The following OXCT1 variants were observed in gnomAD, a reference collection of about 807,000 sequenced individuals.
OXCT1 encodes the protein 3-oxoacid CoA-transferase 1, also known as succinyl-CoA:3-ketoacid coenzyme A transferase 1, mitochondrial.
OXCT1 carries 27 observed loss-of-function variants against 69.6 expected under a neutral mutation model. That is an observed-to-expected ratio of 0.39 (90% CI 0.29 to 0.54). OXCT1 has a LOEUF of 0.54. Ranked by LOEUF, OXCT1 falls within the 20% of genes least tolerant of loss-of-function variation. OXCT1 has a pLI of 0.72. For missense variants in OXCT1, 437 were observed against 650.2 expected (o/e 0.67, Z 3.57); for synonymous variants, 202 against 217.8 (o/e 0.93, Z 0.64).
chr5:41,852,915 G>T (rs1483156332), intron 4 of OXCT1, among the ~76,000 whole-genome samples: 1 of 152,002 alleles, frequency 6.6e-6, no homozygotes, highest in African/African-American at 2.4e-5. Context: ...GAAAACAAAA[G>T]TAGCTGGGCG....
chr5:41,848,443 C>T (rs1016877663), intron 5 of OXCT1, among the ~76,000 whole-genome samples: 2 of 147,882 alleles, frequency 1.4e-5, no homozygotes, highest in African/African-American at 5.0e-5. Context: ...CTTTAAAGTT[C>T]ATATGGAACC....
intron 3 of OXCT1, among the ~76,000 whole-genome samples, chr5:41,859,590 T>C (rs2112465897): frequency 6.6e-6 from 1 of 152,212 alleles, no homozygotes; most frequent in African/African-American, 2.4e-5. Flanking sequence ...TTTCATGAGC[T>C]GAGCACAGAA....
At chr5:41,815,495 T>G (rs78332432) in intron 7 of OXCT1, among the ~76,000 whole-genome samples, 1 of 152,262 alleles carries the variant, frequency 6.6e-6, no homozygotes, top group East Asian at 1.9e-4. Flanking sequence ...ATTTTTTGTT[T>G]GCCCAGAAAT....
chr5:41,803,990 G>A (rs1442556713), intron 9 of OXCT1, among the ~76,000 whole-genome samples: 1 of 152,000 alleles, frequency 6.6e-6, no homozygotes, highest in African/African-American at 2.4e-5. Flanking sequence ...CTAGTACAAA[G>A]AATGATGGCA....
chr5:41,753,270 T>C (rs938843178), intron 14 of OXCT1, among the ~76,000 whole-genome samples: 1 of 148,680 alleles, frequency 6.7e-6, no homozygotes, highest in African/African-American at 2.5e-5. Flanking sequence ...GTGGCTGCAA[T>C]ACACACACAC....
chr5:41,788,267 C>A (rs1449060167), intron 13 of OXCT1, among the ~76,000 whole-genome samples: 1 of 151,698 alleles, frequency 6.6e-6, no homozygotes, highest in African/African-American at 2.4e-5. Context: ...ATAAAATACT[C>A]AAAAAATACG....
At chr5:41,745,920 C>T (rs975963329) in intron 15 of OXCT1, among the ~76,000 whole-genome samples, 1 of 152,026 alleles carries the variant, frequency 6.6e-6, no homozygotes, top group Non-Finnish European at 1.5e-5. Context: ...GGCTTACCAA[C>T]CAAAAAACGT....
At chr5:41,856,714 A>G (rs1749445281) in intron 3 of OXCT1, among the ~76,000 whole-genome samples, 1 of 152,232 alleles carries the variant, frequency 6.6e-6, no homozygotes, top group South Asian at 2.1e-4. Context: ...TAGAAAAGAA[A>G]TAGCTGCATG....
intron 16 of OXCT1, among the ~76,000 whole-genome samples, chr5:41,736,232 G>GT (rs1213718910): frequency 1.3e-5 from 2 of 152,114 alleles, no homozygotes; most frequent in African/African-American, 4.8e-5. Context: ...CTTATTTTGG[G>GT]TGTGTGAACC....
intron 14 of OXCT1, among the ~76,000 whole-genome samples, chr5:41,750,987 C>T (rs1743752535): frequency 1.3e-5 from 2 of 152,194 alleles, no homozygotes; most frequent in South Asian, 4.1e-4. Flanking sequence ...TGACATAACA[C>T]CTTTTAAAAC....
intron 5 of OXCT1, chr5:41,843,652 A>C (rs1748754287): frequency 4.4e-6 from 2 of 453,994 alleles, no homozygotes; most frequent in South Asian, 3.1e-5. Flanking sequence ...ATCACTGCAC[A>C]AAATGGAGCC....
intron 16 of OXCT1, among the ~76,000 whole-genome samples, chr5:41,734,600 G>A (rs551328817): frequency 3.9e-5 from 6 of 152,078 alleles, no homozygotes; most frequent in African/African-American, 1.4e-4. Flanking sequence ...GCTTTAATAC[G>A]ACATCATTTT....
chr5:41,852,423 C>G (rs552793355), intron 4 of OXCT1, among the ~76,000 whole-genome samples: 8 of 152,264 alleles, frequency 5.3e-5, no homozygotes, highest in East Asian at 1.9e-4. Context: ...TTGGCAAAGT[C>G]AGTAGCAATA....
In OXCT1 at chr5:41,764,323, T is replaced by A. The variant is rs190611671; in HGVS notation, c.1249-2123A>T. On this transcript the variant is annotated intron_variant, in intron 13 of 16. Transcript: ENST00000196371. ...AAGAATATCTGTCCTACCATAGAGC[T>A]GTGGTGAGCACTGTATGAGATGATG... 8.7e-4 allele frequency among the ~76,000 whole-genome samples: 133 copies of A among 152,292 alleles called. 1 individual carries two copies. Among genetic ancestry groups the A allele is most frequent in the African/African-American group, 3.2e-3 (132 of 41,564 alleles).
chr5:41,837,371 C>G (rs1748417486), intron 7 of OXCT1, among the ~76,000 whole-genome samples: 1 of 151,636 alleles, frequency 6.6e-6, no homozygotes, highest in East Asian at 1.9e-4. Flanking sequence ...CCTCCCACTG[C>G]TTAAGATACT....
intron 7 of OXCT1, among the ~76,000 whole-genome samples, chr5:41,811,032 C>G (rs900598144): frequency 3.5e-5 from 5 of 141,536 alleles, no homozygotes; most frequent in Admixed American, 2.1e-4. Flanking sequence ...AAACAGACAA[C>G]AAGCAATAAT....
chr5:41,840,335 A>C (rs1382497354), intron 7 of OXCT1, 116 bp downstream of exon 7: 24 of 829,466 alleles, frequency 2.9e-5, no homozygotes, highest in Non-Finnish European at 4.9e-5. Context: ...TCCAAAACAA[A>C]AAAAAAAGCT....
chr5:41,780,642 G>C (rs1253875937), intron 13 of OXCT1, among the ~76,000 whole-genome samples: 5 of 152,006 alleles, frequency 3.3e-5, no homozygotes, highest in Admixed American at 2.6e-4. Flanking sequence ...AAATGAATAG[G>C]TATAAGAAAT....
chr5:41,869,785 A>G (rs1370487395), intron 1 of OXCT1, among the ~76,000 whole-genome samples: 1 of 152,098 alleles, frequency 6.6e-6, no homozygotes, highest in Non-Finnish European at 1.5e-5. Flanking sequence ...GGTGAACTCG[A>G]GCAGAGCCAT....
Sources: allele counts gnomAD v4.1 joint callset (sites outside exome capture counted in the v4.1 genomes callset), GRCh38; gene constraint gnomAD v4.1.1; transcripts MANE v1.5; gene names NCBI Gene and HGNC (gene_info 2026-07-23, HGNC 2026-07-21).